Variants in VRK1 observed in about 807,000 individuals in gnomAD.
VRK1 encodes the protein serine/threonine-protein kinase VRK1.
In VRK1, 33 loss-of-function variants were observed where a neutral mutation model predicts 57.1. The observed-to-expected ratio is 0.58, with a 90% CI of 0.44 to 0.77. The LOEUF is 0.77. Among genes scored for constraint, VRK1 ranks in the 30% least tolerant of loss-of-function variants. The probability of loss-of-function intolerance (pLI) is 0.00; values close to 1 mark genes in which losing one functional copy is unlikely to be tolerated. For missense variants in VRK1, 413 were observed against 477.3 expected, an observed-to-expected ratio of 0.87 and a Z score of 1.25; for synonymous variants, 137 against 147.8, an observed-to-expected ratio of 0.93 and a Z score of 0.53.
intron 3 of VRK1, among the ~76,000 whole-genome samples, chr14:96,842,578 A>G (rs1887508498): frequency 6.6e-6 from 1 of 152,240 alleles, no homozygotes; most frequent in Non-Finnish European, 1.5e-5. Context: ...TAAAATGAGC[A>G]TTATTTTATC....
At position 96,867,487 on chromosome 14, in the gene VRK1, G is replaced by GTA. The variant is rs1389795868; in HGVS notation, c.1068+6753_1068+6754insAT. Among the ~76,000 whole-genome samples, 6 of 145,706 alleles carry GTA rather than the reference G, an allele frequency of 4.1e-5. No homozygotes were observed. In the East Asian group the frequency reaches 9.8e-4, roughly 24 times the overall value. On this transcript the variant is annotated intron_variant, in intron 11 of 12. Coordinates refer to ENST00000216639, the MANE Select transcript of VRK1 (RefSeq NM_003384.3). Reference sequence around the variant, plus strand: ...TGTGTGTGTGTGTGTGTGTGTGTGTGTGTGTTCTAGTTTGTTTTTACACTT... The same window carrying GTA: ...TGTGTGTGTGTGTGTGTGTGTGTGTGTATGTGTTCTAGTTTGTTTTTACACTT...
At chr14:96,856,750 C>T (rs1481040414) in intron 10 of VRK1, among the ~76,000 whole-genome samples, 164 bp downstream of exon 10, 1 of 152,066 alleles carries the variant, frequency 6.6e-6, no homozygotes, top group South Asian at 2.1e-4. Flanking sequence ...GGGTGGATCA[C>T]GAGGTCAGGA....
chr14:96,870,573 A>G (rs946451737), intron 11 of VRK1, among the ~76,000 whole-genome samples: 1 of 152,194 alleles, frequency 6.6e-6, no homozygotes, highest in South Asian at 2.1e-4. Context: ...AACTGACTAT[A>G]CGTTTGATCA....
At chr14:96,875,804 T>C (rs994969575) in intron 11 of VRK1, among the ~76,000 whole-genome samples, 13 of 152,182 alleles carry the variant, frequency 8.5e-5, no homozygotes, top group Non-Finnish European at 1.6e-4. Context: ...ATATCTACCA[T>C]CTGGGTTAAC....
chr14:96,845,986 A>T, intron 3 of VRK1, 109 bp from the exon 4 acceptor site: 2 of 1,036,736 alleles, frequency 1.9e-6, no homozygotes, highest in Non-Finnish European at 1.5e-6. Flanking sequence ...TTAAGTATCA[A>T]AATTACATTG....
At chr14:96,859,553 T>A (rs1888299198) in intron 10 of VRK1, among the ~76,000 whole-genome samples, 1 of 152,206 alleles carries the variant, frequency 6.6e-6, no homozygotes, top group Non-Finnish European at 1.5e-5. Context: ...TAGGGATTGT[T>A]GTCCGTTTTT....
chr14:96,877,330 G>A, intron 12 of VRK1: 1 of 348,576 alleles, frequency 2.9e-6, no homozygotes, highest in South Asian at 2.4e-5. Context: ...AACATCCTTT[G>A]GTTTAATCTG....
chr14:96,831,905 G>C (rs1887019377), intron 1 of VRK1, among the ~76,000 whole-genome samples: 1 of 152,160 alleles, frequency 6.6e-6, no homozygotes, highest in Non-Finnish European at 1.5e-5. Flanking sequence ...AGGTGTAAAA[G>C]TAACCTTTCT....
intron 1 of VRK1, among the ~76,000 whole-genome samples, chr14:96,820,713 CATTT>C (rs1886567525): frequency 6.6e-6 from 1 of 152,140 alleles, no homozygotes; most frequent in African/African-American, 2.4e-5. Context: ...AACATAACCA[CATTT>C]ATTTAAGAAT....
At chr14:96,813,273 C>T (rs1886274572) in intron 1 of VRK1, among the ~76,000 whole-genome samples, 1 of 152,128 alleles carries the variant, frequency 6.6e-6, no homozygotes, top group Admixed American at 6.5e-5. Flanking sequence ...CTTTCTTTTG[C>T]ATATAGGCAG....
intron 3 of VRK1, among the ~76,000 whole-genome samples, chr14:96,844,761 T>C (rs1482343670): frequency 6.6e-6 from 1 of 152,108 alleles, no homozygotes; most frequent in Non-Finnish European, 1.5e-5. Flanking sequence ...AGGCTGGTCT[T>C]GAACTCCTGA....
At chr14:96,850,806 T>TGAC (rs547797557) in intron 5 of VRK1, among the ~76,000 whole-genome samples, 3 of 152,340 alleles carry the variant, frequency 2.0e-5, no homozygotes, top group Non-Finnish European at 4.4e-5. Context: ...TAATACCTAC[T>TGAC]GGTTGAGCAT....
At chr14:96,836,049 C>G (rs1031733864) in intron 2 of VRK1, among the ~76,000 whole-genome samples, 1 of 152,218 alleles carries the variant, frequency 6.6e-6, no homozygotes, top group Non-Finnish European at 1.5e-5. Context: ...ATCTTCATCC[C>G]TTTTGTCTCC....
At chr14:96,846,037 T>A (rs1358165393) in intron 3 of VRK1, 58 bp from the exon 4 acceptor site, 45 of 1,460,276 alleles carry the variant, frequency 3.1e-5, no homozygotes, top group Non-Finnish European at 3.8e-5. Context: ...GAAGGTTCAT[T>A]GAAAATATCT....
chr14:96,854,528 A>G (rs1344609825), intron 7 of VRK1, among the ~76,000 whole-genome samples: 1 of 152,186 alleles, frequency 6.6e-6, no homozygotes, highest in Non-Finnish European at 1.5e-5. Context: ...AATGGAAGAA[A>G]GCCAAGTTTA....
chr14:96,838,354 C>G (rs1468555727), intron 3 of VRK1, among the ~76,000 whole-genome samples: 1 of 152,084 alleles, frequency 6.6e-6, no homozygotes, highest in East Asian at 1.9e-4. Context: ...CTGACATAAG[C>G]ATACTTCTAA....
chr14:96,806,672 G>A (rs1885890605), intron 1 of VRK1, among the ~76,000 whole-genome samples: 1 of 152,170 alleles, frequency 6.6e-6, no homozygotes, highest in African/African-American at 2.4e-5. Context: ...GAGTCATTTG[G>A]TGTAATGTCT....
intron 11 of VRK1, among the ~76,000 whole-genome samples, chr14:96,866,276 A>G (rs1161695748): frequency 6.6e-6 from 1 of 152,110 alleles, no homozygotes; most frequent in East Asian, 1.9e-4. Context: ...TTCTTTACCT[A>G]TGAATACATA....
chr14:96,880,492 A>G lies in VRK1; in HGVS notation c.1160-685A>G, dbSNP rs376452602. On this transcript the variant is annotated intron_variant, in intron 12 of 12. Transcript: ENST00000216639. ...CTGCTGTACCCAGAGGTGGAGTAGG[A>G]GTAGTAGGTGGGGTGAAATGTCTTG... 7.2e-5 allele frequency among the ~76,000 whole-genome samples: 11 copies of G among 152,308 alleles called. No individual in the cohort carries two copies. In the East Asian group the frequency reaches 1.2e-3, roughly 16 times the overall value.
Sources: gnomAD v4.1 joint callset for allele counts (sites outside exome capture counted in the v4.1 genomes callset) on GRCh38, gnomAD v4.1.1 for gene constraint, MANE v1.5 for transcripts, NCBI Gene and HGNC (gene_info 2026-07-23, HGNC 2026-07-21) for gene names.